CADM3: variants seen among roughly 807,000 people sequenced by gnomAD.
The protein encoded by CADM3 is cell adhesion molecule 3, also known as TSLC1-like 1.
Under a neutral mutation model 44.9 loss-of-function variants are expected in CADM3, and 11 were observed. The ratio of observed to expected loss-of-function variants is 0.25; its 90% CI spans 0.15 to 0.41. CADM3 has a LOEUF of 0.41. Among genes scored for constraint, CADM3 ranks in the 10% least tolerant of loss-of-function variants. The pLI is 1.00. For missense variants in CADM3, 426 were observed against 512.0 expected, an observed-to-expected ratio of 0.83 and a Z score of 1.62; for synonymous variants, 207 against 205.2, an observed-to-expected ratio of 1.01 and a Z score of -0.08.
rs771084012 is a variant in CADM3 at position 159,193,485 on chromosome 1, A to G, written c.445A>G (p.Thr149Ala). 14 of 1,613,420 alleles carry G rather than the reference A, an allele frequency of 8.7e-6. No homozygotes were observed. Among genetic ancestry groups the G allele is most frequent in the Non-Finnish European group, 9.3e-6 (11 of 1,179,662 alleles). Residue 149 changes from threonine to alanine, a missense_variant, in exon 4 of 9, where the codon ACC becomes GCC. By Grantham distance (58) the Thr-to-Ala change is moderately conservative. Transcript: ENST00000368125. ...TTCATTACGGGAAAAAGACACAGCC[A>G]CCCTAAACTGTCAGTCTTCTGGGAG... is the stretch of plus-strand genomic sequence containing the variant. ...KSSLREKDTA[T>A]LNCQSSGSKP...
chr1:159,196,848 G>A, intron 6 of CADM3, 43 bp from the exon 7 acceptor site: 1 of 1,580,270 alleles, frequency 6.3e-7, no homozygotes, highest in Non-Finnish European at 8.6e-7. Flanking sequence ...TAGCTCCCTG[G>A]CCTATGCTCT....
intron 1 of CADM3, among the ~76,000 whole-genome samples, chr1:159,180,576 C>T (rs1332382189): frequency 8.3e-6 from 1 of 120,884 alleles, no homozygotes; most frequent in Non-Finnish European, 1.8e-5. Context: ...TTTAAAAATA[C>T]AGATTTTTTT....
chr1:159,192,610 T>C lies in CADM3; in HGVS notation c.262T>C (p.Ser88Pro). The C allele has an allele frequency of 6.2e-7, 1 of 1,614,120 alleles. No individual in the cohort carries two copies. Among genetic ancestry groups the C allele is most frequent in the African/African-American group, 1.3e-5 (1 of 75,004 alleles). The change falls in exon 3 of 9, where the codon TCT becomes CCT. Residue 88 changes from serine to proline, a missense_variant. Ser to Pro is a moderately conservative substitution (Grantham distance 74). Coordinates refer to ENST00000368125, the MANE Select transcript of CADM3 (RefSeq NM_001127173.3). ...LRDNRIQLVTSTPHELSISIS... is the reference protein window; with the variant it reads ...LRDNRIQLVTPTPHELSISIS... ...AGATAATCGAATTCAGCTGGTTACCTCTACGCCCCACGAGCTCAGCATCAG... is the reference window on the plus strand; with the variant it reads ...AGATAATCGAATTCAGCTGGTTACCCCTACGCCCCACGAGCTCAGCATCAG...
At chr1:159,181,580 T>C (rs1280635760) in intron 1 of CADM3, among the ~76,000 whole-genome samples, 2 of 152,124 alleles carry the variant, frequency 1.3e-5, no homozygotes, top group African/African-American at 4.8e-5. Flanking sequence ...ACTAGATGCT[T>C]GTCTAGAGCA....
chr1:159,179,605 T>G (rs1226325598), intron 1 of CADM3, among the ~76,000 whole-genome samples: 1 of 152,226 alleles, frequency 6.6e-6, no homozygotes, highest in African/African-American at 2.4e-5. Context: ...CAGATTTTAT[T>G]GGAAATATGC....
intron 1 of CADM3, among the ~76,000 whole-genome samples, chr1:159,176,982 A>T (rs541246646): frequency 2.8e-4 from 42 of 152,228 alleles, no homozygotes; most frequent in African/African-American, 9.9e-4. Flanking sequence ...TACTTACAGC[A>T]ATTTTGGATA....
intron 1 of CADM3, among the ~76,000 whole-genome samples, chr1:159,186,747 G>T (rs992710215): frequency 6.6e-6 from 1 of 152,140 alleles, no homozygotes; most frequent in Non-Finnish European, 1.5e-5. Context: ...TTAAGAGACA[G>T]TTCTCAAGAG....
chr1:159,200,731 T>G, intron 8 of CADM3, 73 bp from the exon 9 acceptor site: 4 of 1,082,770 alleles, frequency 3.7e-6, no homozygotes, highest in Non-Finnish European at 5.3e-6. Flanking sequence ...AGTGGGTGGG[T>G]GAGAAAGTGG....
At chr1:159,179,381 G>T (rs968912742) in intron 1 of CADM3, among the ~76,000 whole-genome samples, 1 of 152,094 alleles carries the variant, frequency 6.6e-6, no homozygotes, top group East Asian at 1.9e-4. Context: ...ACTGTGTATT[G>T]ATTGCTAATT....
chr1:159,193,585 A>T (rs1285286083), intron 4 of CADM3, 25 bp downstream of exon 4: 1 of 1,613,980 alleles, frequency 6.2e-7, no homozygotes, highest in Admixed American at 1.7e-5. Flanking sequence ...CCTTGGGGTT[A>T]CAGGAGAAAG....
At chr1:159,175,342 T>C (rs1320077889) in intron 1 of CADM3, among the ~76,000 whole-genome samples, 1 of 152,160 alleles carries the variant, frequency 6.6e-6, no homozygotes, top group South Asian at 2.1e-4. Flanking sequence ...GAAGAATCAG[T>C]GTGTTTCATG....
At position 159,196,923 on chromosome 1, in the gene CADM3, G is replaced by A. The variant is rs747778216; in HGVS notation, c.815G>A (p.Ser272Asn). Residue 272 changes from serine (S) to asparagine (N), a missense_variant, in exon 7 of 9, where the codon AGT becomes AAT. Ser to Asn is a conservative substitution (Grantham distance 46). Coordinates refer to ENST00000368125, the MANE Select transcript of CADM3 (RefSeq NM_001127173.3). ...CAGTACCTATGGGAGAAGGAGGGCA[G>A]TGTGCCACCCCTGAAGATGACCCAG... Reference protein sequence around the residue: ...PQQYLWEKEGSVPPLKMTQES... With the variant: ...PQQYLWEKEGNVPPLKMTQES... The A allele has an allele frequency of 6.2e-7, 1 of 1,614,040 alleles. No homozygotes were observed. The highest frequency in any genetic ancestry group is 1.1e-5 in the South Asian group (1 of 91,076).
chr1:159,194,198 T>G (rs954455144), intron 5 of CADM3, 158 bp downstream of exon 5: 3 of 706,418 alleles, frequency 4.2e-6, no homozygotes, highest in Non-Finnish European at 6.8e-6. Flanking sequence ...GTTGGCAAAC[T>G]CTTTACAGAG....
Position 159,192,088 on chromosome 1 carries a change from T to A in CADM3, c.229+12T>A. ...TGGGGAGAAGAGAGGTAGTATCTCA[T>A]GAGTTATCTTTCTCCGTGAAAACCA... is the stretch of plus-strand genomic sequence containing the variant. On this transcript the variant is annotated intron_variant, in intron 2 of 8. Coordinates refer to ENST00000368125, the MANE Select transcript of CADM3 (RefSeq NM_001127173.3). The A allele has an allele frequency of 6.2e-7, 1 of 1,612,408 alleles. No homozygotes were observed. Among genetic ancestry groups the A allele is most frequent in the Non-Finnish European group, 8.5e-7 (1 of 1,179,030 alleles).
At chr1:159,186,708 A>G (rs929181553) in intron 1 of CADM3, among the ~76,000 whole-genome samples, 1 of 152,194 alleles carries the variant, frequency 6.6e-6, no homozygotes, top group Non-Finnish European at 1.5e-5. Context: ...TTACAATTTT[A>G]TAAAATGACA....
intron 1 of CADM3, among the ~76,000 whole-genome samples, chr1:159,185,571 A>G (rs956692856): frequency 6.6e-6 from 1 of 152,262 alleles, no homozygotes; most frequent in African/African-American, 2.4e-5. Context: ...GTGTGTAATA[A>G]TATCTAGCTA....
chr1:159,188,754 G>A (rs976002295), intron 1 of CADM3, among the ~76,000 whole-genome samples: 1 of 152,202 alleles, frequency 6.6e-6, no homozygotes, highest in African/African-American at 2.4e-5. Context: ...GTATTTCTTG[G>A]AAATGGAATT....
intron 1 of CADM3, among the ~76,000 whole-genome samples, chr1:159,176,211 G>A (rs1649010495): frequency 6.6e-6 from 1 of 152,146 alleles, no homozygotes; most frequent in African/African-American, 2.4e-5. Flanking sequence ...GCTACTTACT[G>A]ACTACTGAGT....
intron 1 of CADM3, among the ~76,000 whole-genome samples, chr1:159,177,428 C>G (rs1255373243): frequency 6.6e-6 from 1 of 152,170 alleles, no homozygotes; most frequent in African/African-American, 2.4e-5. Flanking sequence ...CTTTATGGAG[C>G]AAACTATTAT....
Sources: allele counts gnomAD v4.1 joint callset (sites outside exome capture counted in the v4.1 genomes callset), GRCh38; gene constraint gnomAD v4.1.1; transcripts MANE v1.5; gene names NCBI Gene and HGNC (gene_info 2026-07-23, HGNC 2026-07-21).